DCC: variants seen among roughly 807,000 people sequenced by gnomAD.
DCC encodes DCC netrin 1 receptor, also known as netrin receptor DCC.
Under a neutral mutation model 172.5 loss-of-function variants are expected in DCC, and 58 were observed. The ratio of observed to expected loss-of-function variants is 0.34; its 90% CI spans 0.27 to 0.42. The LOEUF is 0.42. Ranked by LOEUF, DCC falls within the 10% of genes least tolerant of loss-of-function variation. DCC has a pLI of 1.00. For missense variants in DCC, 1,740 were observed against 1,791.0 expected (o/e 0.97, Z 0.51); for synonymous variants, 709 against 644.5 (o/e 1.10, Z -1.52).
At chr18:52,796,326 G>A (rs1012499525) in intron 2 of DCC, among the ~76,000 whole-genome samples, 1 of 151,636 alleles carries the variant, frequency 6.6e-6, no homozygotes, top group Non-Finnish European at 1.5e-5. Flanking sequence ...TTTTCTTATG[G>A]TTTATCATCA....
intron 2 of DCC, among the ~76,000 whole-genome samples, chr18:52,755,067 AT>A (rs1262640093): frequency 1.3e-5 from 2 of 152,214 alleles, no homozygotes; most frequent in Non-Finnish European, 2.9e-5. Flanking sequence ...AACAAGTGGA[AT>A]AAATCCTTCA....
At chr18:52,525,785 C>G (rs530114720) in intron 1 of DCC, among the ~76,000 whole-genome samples, 2 of 152,166 alleles carry the variant, frequency 1.3e-5, no homozygotes, top group South Asian at 4.1e-4. Flanking sequence ...ACAATAAGGA[C>G]AGAAAGACAA....
chr18:52,501,444 C>T (rs532523778), intron 1 of DCC, among the ~76,000 whole-genome samples: 75 of 152,234 alleles, frequency 4.9e-4, no homozygotes, highest in Non-Finnish European at 1.0e-3. Context: ...CGTTGTCTCT[C>T]TAAGCAGAAG....
intron 18 of DCC, among the ~76,000 whole-genome samples, chr18:53,399,200 G>T (rs1479807832): frequency 6.6e-6 from 1 of 152,104 alleles, no homozygotes; most frequent in Non-Finnish European, 1.5e-5. Flanking sequence ...ATTATTCCTA[G>T]GCTGTAGAAG....
chr18:52,861,033 T>G (rs2039135035), intron 2 of DCC, among the ~76,000 whole-genome samples: 2 of 142,618 alleles, frequency 1.4e-5, no homozygotes, highest in East Asian at 2.0e-4. Context: ...AAAAAAAAAT[T>G]TTGGCTTCAC....
chr18:53,336,290 T>C (rs1272500693), intron 14 of DCC, among the ~76,000 whole-genome samples: 2 of 152,206 alleles, frequency 1.3e-5, no homozygotes, highest in South Asian at 2.1e-4. Flanking sequence ...TCTAAATTGA[T>C]GTTTTATAGT....
intron 9 of DCC, among the ~76,000 whole-genome samples, chr18:53,181,764 G>T (rs1021292611): frequency 6.6e-6 from 1 of 152,154 alleles, no homozygotes; most frequent in African/African-American, 2.4e-5. Flanking sequence ...GCAGATTTGG[G>T]GGGAAGCAGG....
chr18:53,228,849 A>C (rs2056079499), intron 12 of DCC, among the ~76,000 whole-genome samples: 1 of 152,042 alleles, frequency 6.6e-6, no homozygotes, highest in South Asian at 2.1e-4. Context: ...CCCCTAACAC[A>C]CACTCTTCTA....
chr18:52,751,602 C>A (rs938079641), intron 1 of DCC, among the ~76,000 whole-genome samples: 3 of 152,138 alleles, frequency 2.0e-5, no homozygotes, highest in East Asian at 1.9e-4. Flanking sequence ...TCTTATAGAA[C>A]CCTGTATCAG....
At chr18:53,413,981 T>C (rs1055394154) in intron 20 of DCC, among the ~76,000 whole-genome samples, 8 of 152,292 alleles carry the variant, frequency 5.3e-5, no homozygotes, top group South Asian at 2.1e-4. Flanking sequence ...AAGCTACATA[T>C]AATGCAACTG....
chr18:53,128,675 A>C (rs993214508), intron 7 of DCC, among the ~76,000 whole-genome samples: 1 of 151,888 alleles, frequency 6.6e-6, no homozygotes, highest in Non-Finnish European at 1.5e-5. Context: ...AATCCTATTC[A>C]ACTCAGAAAG....
chr18:52,440,587 A>T (rs770564368), intron 1 of DCC, among the ~76,000 whole-genome samples: 17 of 152,230 alleles, frequency 1.1e-4, no homozygotes, highest in Non-Finnish European at 2.2e-4. Flanking sequence ...TGCCTCACAC[A>T]ATGGGAACTC....
At position 52,846,113 on chromosome 18, in the gene DCC, G is replaced by A. The variant is rs879915951; in HGVS notation, c.413-59931G>A. 6.6e-5 allele frequency among the ~76,000 whole-genome samples: 10 copies of A among 152,236 alleles called. 1 individual carries two copies. The highest frequency in any genetic ancestry group is 6.5e-4 in the Admixed American group (10 of 15,294). On this transcript the variant is annotated intron_variant, in intron 2 of 28. Transcript: ENST00000442544. ...ACAAGGATTTCATTGATTTCCAGCAGTTAATACATTCCTCTACACTATGAA... is the reference window on the plus strand; with the variant it reads ...ACAAGGATTTCATTGATTTCCAGCAATTAATACATTCCTCTACACTATGAA...
At position 53,103,816 on chromosome 18, in the gene DCC, G is replaced by A. The variant is rs533977958; in HGVS notation, c.1261+37650G>A. ...GTTTGAATCTAAATATTCTCAGTAG[G>A]AAAAGGTTAAGCATGTGAGTGTCCT... On this transcript the variant is annotated intron_variant, in intron 7 of 28. Transcript: ENST00000442544. Among the ~76,000 whole-genome samples the A allele has an allele frequency of 2.0e-3, 308 of 152,048 alleles. 1 individual carries two copies. The highest frequency in any genetic ancestry group is 0.014 in the Middle Eastern group (4 of 294).
intron 27 of DCC, among the ~76,000 whole-genome samples, chr18:53,513,217 C>T (rs1394828375): frequency 6.6e-6 from 1 of 152,106 alleles, no homozygotes; most frequent in African/African-American, 2.4e-5. Flanking sequence ...AACTAAGTTT[C>T]ATAAGTGAAG....
intron 1 of DCC, among the ~76,000 whole-genome samples, chr18:52,426,432 G>A (rs1270431479): frequency 6.6e-6 from 1 of 151,814 alleles, no homozygotes; most frequent in Non-Finnish European, 1.5e-5. Context: ...TAAGGACCCA[G>A]TGGGCACAAG....
At chr18:52,989,599 C>A (rs377002629) in intron 5 of DCC, among the ~76,000 whole-genome samples, 2 of 152,150 alleles carry the variant, frequency 1.3e-5, no homozygotes, top group African/African-American at 2.4e-5. Flanking sequence ...TTGCACCTTG[C>A]CTCATTTTCT....
chr18:52,665,392 GGA>G (rs2035445186), intron 1 of DCC, among the ~76,000 whole-genome samples: 1 of 152,068 alleles, frequency 6.6e-6, no homozygotes, highest in Non-Finnish European at 1.5e-5. Flanking sequence ...TAGTTACCTC[GGA>G]GAACTCAAAT....
chr18:52,474,206 T>TAGAGAGAGAGAC lies in DCC; in HGVS notation c.91+133339_91+133340insCAGAGAGAGAGA, dbSNP rs1491448947. Among the ~76,000 whole-genome samples, 160 of 100,720 alleles carry TAGAGAGAGAGAC rather than the reference T, an allele frequency of 1.6e-3. 2 individuals are homozygous for TAGAGAGAGAGAC. The South Asian group carries it at 0.032, about 20-fold the overall frequency. The allele number at this position is 100,720 out of a possible 152,430, so 66.1% of individuals were successfully genotyped here. ...TTTCCATACATAATTGTAACAGACC[T>TAGAGAGAGAGAC]AGAGAGAGAGAGAGAGAGAGAGAGA... On this transcript the variant is annotated intron_variant, in intron 1 of 28. Coordinates refer to ENST00000442544, the MANE Select transcript of DCC (RefSeq NM_005215.4).
Sources: gnomAD v4.1 joint callset for allele counts (sites outside exome capture counted in the v4.1 genomes callset) on GRCh38, gnomAD v4.1.1 for gene constraint, MANE v1.5 for transcripts, NCBI Gene and HGNC (gene_info 2026-07-23, HGNC 2026-07-21) for gene names.